Variants in TPD52 observed in about 807,000 individuals in gnomAD.
The protein encoded by TPD52 is prostate and colon associated protein.
A neutral mutation model predicts 31.3 loss-of-function variants in TPD52; 17 were observed. That is an observed-to-expected ratio of 0.54 (90% CI 0.37 to 0.82). The LOEUF (loss-of-function observed/expected upper bound fraction) is 0.82, where lower values mean the gene tolerates loss of function less well. Among genes scored for constraint, TPD52 ranks in the 40% least tolerant of loss-of-function variants. TPD52 has a pLI of 0.00. For synonymous variants in TPD52, 83 were observed against 89.6 expected (o/e 0.93, Z 0.42); for missense variants, 212 against 240.1 (o/e 0.88, Z 0.77).
Position 80,165,042 on chromosome 8 carries a change from T to C in TPD52, c.19+6383A>G, listed in dbSNP as rs1196424108. Reference sequence around the variant, plus strand: ...CATAAACGGGGTACATTCTATAAAATACAATAGAAAAATTGGCAAAAGATA... The same window carrying C: ...CATAAACGGGGTACATTCTATAAAACACAATAGAAAAATTGGCAAAAGATA... On this transcript the variant is annotated intron_variant, in intron 1 of 7. Coordinates refer to ENST00000518937, the MANE Select transcript of TPD52 (RefSeq NM_001025253.3). Among the ~76,000 whole-genome samples the C allele has an allele frequency of 2.7e-5, 4 of 146,786 alleles. No individual in the cohort carries two copies. In the Admixed American group the frequency reaches 2.7e-4, roughly 10 times the overall value.
chr8:80,137,924 T>C, intron 1 of TPD52, among the ~76,000 whole-genome samples: 1 of 152,034 alleles, frequency 6.6e-6, no homozygotes, highest in Non-Finnish European at 1.5e-5. Flanking sequence ...AGCGACAGAA[T>C]GAGACCCCGT....
intron 2 of TPD52, among the ~76,000 whole-genome samples, chr8:80,059,243 A>G (rs1340412328): frequency 6.6e-6 from 1 of 152,226 alleles, no homozygotes; most frequent in Non-Finnish European, 1.5e-5. Context: ...GGAAATTAGA[A>G]AACACCTTGA....
At chr8:80,150,160 G>A (rs111826219) in intron 1 of TPD52, among the ~76,000 whole-genome samples, 2,010 of 152,336 alleles carry the variant, frequency 0.013, 42 homozygotes, top group African/African-American at 0.046. Context: ...AGGGGCCAAG[G>A]TACAGCTCCA....
intron 1 of TPD52, among the ~76,000 whole-genome samples, chr8:80,104,515 G>A (rs1201114858): frequency 6.6e-6 from 1 of 151,534 alleles, no homozygotes; most frequent in Non-Finnish European, 1.5e-5. Flanking sequence ...CTGGGAGGCT[G>A]AGGAGTTTGA....
At chr8:80,091,372 G>T (rs1167857492) in intron 1 of TPD52, among the ~76,000 whole-genome samples, 1 of 151,896 alleles carries the variant, frequency 6.6e-6, no homozygotes, top group Non-Finnish European at 1.5e-5. Context: ...GGGAGGCTGA[G>T]GCAGGAGAAT....
chr8:80,054,293 T>C (rs1320491664), intron 2 of TPD52, among the ~76,000 whole-genome samples: 3 of 152,110 alleles, frequency 2.0e-5, no homozygotes, highest in Admixed American at 6.6e-5. Flanking sequence ...TTAAATATGC[T>C]TGAGGAATCT....
intron 1 of TPD52, among the ~76,000 whole-genome samples, chr8:80,128,583 C>T (rs189641021): frequency 1.2e-3 from 179 of 151,710 alleles, no homozygotes; most frequent in Non-Finnish European, 2.2e-3. Context: ...ACTGCTTGAG[C>T]CCACGAGGTC....
intron 1 of TPD52, among the ~76,000 whole-genome samples, chr8:80,100,901 G>A (rs965685784): frequency 3.9e-5 from 6 of 152,156 alleles, no homozygotes; most frequent in African/African-American, 1.4e-4. Context: ...TTCAAATGTT[G>A]ATTTCATCCA....
intron 1 of TPD52, among the ~76,000 whole-genome samples, chr8:80,103,066 C>T (rs1806860364): frequency 6.6e-6 from 1 of 152,168 alleles, no homozygotes; most frequent in African/African-American, 2.4e-5. Context: ...GCATATTTAT[C>T]CTCTGGCATA....
intron 1 of TPD52, among the ~76,000 whole-genome samples, chr8:80,067,872 G>A (rs78687993): frequency 0.058 from 8,829 of 151,380 alleles, 665 homozygotes; most frequent in African/African-American, 0.17. Context: ...TTATATATTC[G>A]TCTAGATATG....
intron 1 of TPD52, among the ~76,000 whole-genome samples, chr8:80,120,069 A>C (rs1042353643): frequency 6.6e-6 from 1 of 152,138 alleles, no homozygotes; most frequent in Admixed American, 6.5e-5. Flanking sequence ...TTAAAAGACA[A>C]GTGACAGCCT....
intron 1 of TPD52, among the ~76,000 whole-genome samples, chr8:80,117,696 A>G (rs1807959183): frequency 6.6e-6 from 1 of 151,900 alleles, no homozygotes; most frequent in African/African-American, 2.4e-5. Context: ...TGAAAGAGAG[A>G]ACAACTTAGA....
intron 2 of TPD52, among the ~76,000 whole-genome samples, chr8:80,063,793 T>C (rs1323485457): frequency 4.0e-5 from 6 of 150,776 alleles, no homozygotes; most frequent in Admixed American, 4.0e-4. Flanking sequence ...CGAGACTCCA[T>C]CTCGAAAAAT....
At chr8:80,132,130 T>C (rs1809065717) in intron 1 of TPD52, among the ~76,000 whole-genome samples, 2 of 151,834 alleles carry the variant, frequency 1.3e-5, no homozygotes, top group Admixed American at 1.3e-4. Flanking sequence ...CCTGGGCTCA[T>C]GCAATCCTCC....
intron 1 of TPD52, among the ~76,000 whole-genome samples, chr8:80,136,590 G>T (rs955288253): frequency 2.7e-5 from 4 of 148,160 alleles, no homozygotes; most frequent in African/African-American, 4.9e-5. Flanking sequence ...AGGACATTTT[G>T]GTCTCATACT....
intron 5 of TPD52, among the ~76,000 whole-genome samples, chr8:80,048,359 G>T (rs181274837): frequency 3.9e-4 from 60 of 152,340 alleles, no homozygotes; most frequent in African/African-American, 1.2e-3. Flanking sequence ...CAAAACTGCT[G>T]CATTTTCTCC....
chr8:80,056,955 G>A (rs1481805309), intron 2 of TPD52, among the ~76,000 whole-genome samples: 4 of 152,164 alleles, frequency 2.6e-5, no homozygotes, highest in Non-Finnish European at 5.9e-5. Flanking sequence ...GATCACTTGA[G>A]GTCAGGGGTT....
intron 1 of TPD52, among the ~76,000 whole-genome samples, chr8:80,141,230 G>A (rs1294449892): frequency 6.6e-6 from 1 of 152,088 alleles, no homozygotes; most frequent in African/African-American, 2.4e-5. Context: ...TCCAGCTACA[G>A]ACGCCCTGTA....
intron 1 of TPD52, among the ~76,000 whole-genome samples, chr8:80,101,924 T>A (rs1241200098): frequency 1.3e-5 from 2 of 151,898 alleles, no homozygotes; most frequent in Non-Finnish European, 2.9e-5. Context: ...ATTGTGTGTG[T>A]GAGAGAGAGG....
Sources: allele counts gnomAD v4.1 joint callset (sites outside exome capture counted in the v4.1 genomes callset), GRCh38; gene constraint gnomAD v4.1.1; transcripts MANE v1.5; gene names NCBI Gene and HGNC (gene_info 2026-07-23, HGNC 2026-07-21).